FBXW11: variants seen among roughly 807,000 people sequenced by gnomAD.
FBXW11 encodes the protein F-box and WD repeat domain containing 11, also known as F-box/WD repeat-containing protein 11.
In FBXW11, 19 loss-of-function variants were observed where a neutral mutation model predicts 77.6. The ratio of observed to expected loss-of-function variants is 0.24; its 90% CI spans 0.17 to 0.36. The LOEUF (loss-of-function observed/expected upper bound fraction) is 0.36, where lower values mean the gene tolerates loss of function less well. Ranked by LOEUF, FBXW11 falls within the 10% of genes least tolerant of loss-of-function variation. FBXW11 has a pLI of 1.00. For missense variants in FBXW11, 334 were observed against 704.2 expected (o/e 0.47, Z 5.95); for synonymous variants, 235 against 249.4 (o/e 0.94, Z 0.54).
chr5:171,910,483 C>T, intron 4 of FBXW11, 89 bp downstream of exon 4: 1 of 794,896 alleles, frequency 1.3e-6, no homozygotes. Flanking sequence ...TCACACAGTA[C>T]TCATTCAATC....
At chr5:171,950,767 G>A (rs530392203) in intron 2 of FBXW11, among the ~76,000 whole-genome samples, 4 of 151,962 alleles carry the variant, frequency 2.6e-5, no homozygotes, top group South Asian at 2.1e-4. Flanking sequence ...CACACCTGTC[G>A]TCCCACCTAT....
chr5:171,896,026 A>G (rs1000595847), intron 6 of FBXW11, among the ~76,000 whole-genome samples: 16 of 152,130 alleles, frequency 1.1e-4, no homozygotes, highest in African/African-American at 3.9e-4. Flanking sequence ...CATTTCTCAC[A>G]TCCTCATTTC....
chr5:171,928,204 G>C (rs796453433), intron 2 of FBXW11, among the ~76,000 whole-genome samples: 12 of 152,184 alleles, frequency 7.9e-5, no homozygotes, highest in African/African-American at 2.9e-4. Flanking sequence ...TAAATTTATA[G>C]AAAATATGAC....
chr5:171,977,545 T>C (rs1325487503), intron 1 of FBXW11: 1 of 446,046 alleles, frequency 2.2e-6, no homozygotes, highest in Non-Finnish European at 4.5e-6. Context: ...GATTACGCAA[T>C]ACATTTGTGT....
chr5:171,958,946 T>C (rs1323618636), intron 1 of FBXW11, among the ~76,000 whole-genome samples: 2 of 151,910 alleles, frequency 1.3e-5, no homozygotes, highest in Non-Finnish European at 2.9e-5. Flanking sequence ...CTCATAACTT[T>C]CACTCTCAAA....
chr5:171,923,914 T>C (rs1761741338), intron 2 of FBXW11, among the ~76,000 whole-genome samples: 3 of 6,532 alleles, frequency 4.6e-4, no homozygotes, highest in Non-Finnish European at 2.6e-3. Flanking sequence ...CCCACCTTTT[T>C]TTTTTTTTTT....
At chr5:171,962,433 TA>T (rs1313797234) in intron 1 of FBXW11, among the ~76,000 whole-genome samples, 2 of 152,208 alleles carry the variant, frequency 1.3e-5, no homozygotes, top group East Asian at 3.8e-4. Flanking sequence ...AAATGATTCA[TA>T]ATGGGTTGTG....
At chr5:171,870,471 T>C (rs1280704877) in intron 11 of FBXW11, among the ~76,000 whole-genome samples, 4 of 152,136 alleles carry the variant, frequency 2.6e-5, no homozygotes, top group African/African-American at 9.7e-5. Context: ...ACATCAACTA[T>C]TGAAACCTAA....
intron 2 of FBXW11, among the ~76,000 whole-genome samples, chr5:171,921,762 A>T (rs1761608593): frequency 6.6e-6 from 1 of 152,350 alleles, no homozygotes. Context: ...TTTAAGAGTC[A>T]GGGTTCCACT....
At chr5:171,976,295 G>A (rs1243550909) in intron 1 of FBXW11, among the ~76,000 whole-genome samples, 2 of 152,112 alleles carry the variant, frequency 1.3e-5, no homozygotes, top group Non-Finnish European at 1.5e-5. Flanking sequence ...AGTCAATTAC[G>A]AGATGGTACT....
At chr5:172,006,289 G>A (rs1363948028) in intron 1 of FBXW11, among the ~76,000 whole-genome samples, 169 bp downstream of exon 1, 3 of 152,184 alleles carry the variant, frequency 2.0e-5, no homozygotes, top group Non-Finnish European at 4.4e-5. Flanking sequence ...GATGTCGAGG[G>A]ATCAGAGGAG....
In FBXW11 at chr5:171,891,608, G is replaced by C; in HGVS notation, c.715-4C>G. On this transcript the variant is annotated splice_region_variant and splice_polypyrimidine_tract_variant and intron_variant, in intron 6 of 13. Transcript: ENST00000517395. ...ACCGCCAGTTAGATTCTATAGTCTA[G>C]GGAAAAAAGGAGGCAAGAGATGAGT... 1.2e-6 allele frequency: 2 copies of C among 1,600,680 alleles called. No homozygotes were observed. The highest frequency in any genetic ancestry group is 1.7e-6 in the Non-Finnish European group (2 of 1,175,980).
At position 172,006,494 on chromosome 5, in the gene FBXW11, G is replaced by C; in HGVS notation, c.9C>G (p.Pro3=). 2.0e-6 allele frequency: 3 copies of C among 1,526,862 alleles called. No individual in the cohort carries two copies. The highest frequency in any genetic ancestry group is 2.6e-6 in the Non-Finnish European group (3 of 1,137,422). The allele number at this position is 1,526,862 out of a possible 1,614,324, so 94.6% of individuals were successfully genotyped here. A position where few individuals can be genotyped will look rare whatever the true frequency, so the allele number is the denominator to read the frequency against. Residue 3 remains proline, a synonymous_variant, in exon 1 of 14, where the codon CCC becomes CCG. Transcript: ENST00000517395. ...TGGTCTTGTCCTCAATCACCGAGTC[G>C]GGCTCCATGGCGGCCCCGGCGGCCC... ME[P]DSVIEDKTIE...
intron 2 of FBXW11, among the ~76,000 whole-genome samples, chr5:171,925,430 AC>A (rs201865820): frequency 3.3e-4 from 50 of 152,278 alleles, no homozygotes; most frequent in African/African-American, 1.1e-3. Context: ...AAACAAACAA[AC>A]AAAAAAAACA....
chr5:171,957,252 A>G (rs1763661635), intron 2 of FBXW11, among the ~76,000 whole-genome samples: 1 of 152,220 alleles, frequency 6.6e-6, no homozygotes, highest in Admixed American at 6.5e-5. Context: ...AACCCTCCCA[A>G]CTCAACAAAG....
chr5:171,918,283 C>T (rs1761382803), intron 2 of FBXW11, among the ~76,000 whole-genome samples: 1 of 151,892 alleles, frequency 6.6e-6, no homozygotes, highest in Non-Finnish European at 1.5e-5. Flanking sequence ...TACACAGGGT[C>T]GCAGGAATAA....
chr5:172,002,668 A>T (rs1766480457), intron 1 of FBXW11, among the ~76,000 whole-genome samples: 3 of 134,588 alleles, frequency 2.2e-5, no homozygotes, highest in Admixed American at 7.2e-5. Flanking sequence ...CAGTAACTTC[A>T]TTTATTCGTT....
At chr5:171,905,594 C>CA (rs796343062) in intron 4 of FBXW11, among the ~76,000 whole-genome samples, 46 of 101,324 alleles carry the variant, frequency 4.5e-4, no homozygotes, top group African/African-American at 1.2e-3. Flanking sequence ...AGCTAACCCC[C>CA]CCCCCTTTAT....
At chr5:171,886,543 G>A (rs896862970) in intron 7 of FBXW11, among the ~76,000 whole-genome samples, 4 of 151,520 alleles carry the variant, frequency 2.6e-5, no homozygotes, top group African/African-American at 9.7e-5. Context: ...TGCACGTTGT[G>A]CACATGTACC....
Sources: allele counts gnomAD v4.1 joint callset (sites outside exome capture counted in the v4.1 genomes callset), GRCh38; gene constraint gnomAD v4.1.1; transcripts MANE v1.5; gene names NCBI Gene and HGNC (gene_info 2026-07-23, HGNC 2026-07-21).